The following GCN1 variants were observed in gnomAD, a reference collection of about 807,000 sequenced individuals.
GCN1 encodes the protein stalled ribosome sensor GCN1.
GCN1 carries 90 observed loss-of-function variants against 288.4 expected under a neutral mutation model. The ratio of observed to expected loss-of-function variants is 0.31; its 90% confidence interval spans 0.26 to 0.37. The LOEUF (loss-of-function observed/expected upper bound fraction) is 0.37. Among genes scored for constraint, GCN1 ranks in the 10% least tolerant of loss-of-function variants. GCN1 has a pLI of 1.00. For synonymous variants in GCN1, 1,386 were observed against 1,420.2 expected (o/e 0.98, Z 0.54); for missense variants, 2,586 against 3,419.9 (o/e 0.76, Z 6.08).
intron 13 of GCN1, 74 bp downstream of exon 13, chr12:120,173,997 G>T: frequency 9.2e-7 from 1 of 1,081,284 alleles, no homozygotes; most frequent in Non-Finnish European, 1.4e-6. Context: ...TTTATGGAAG[G>T]AAAGCTCCAA....
chr12:120,168,243 G>C lies in GCN1; in HGVS notation c.1577C>G (p.Thr526Ser). Reference sequence around the variant, plus strand: ...AGCCATGACCAGGAATTTCTCAGAAGTGAAAACCTGCTTTTTCTCATCCAC... The same window carrying C: ...AGCCATGACCAGGAATTTCTCAGAACTGAAAACCTGCTTTTTCTCATCCAC... ...LIVDEKKQVF[T>S]SEKFLVMASE... Residue 526 changes from threonine (T) to serine (S), a missense_variant, in exon 16 of 58, where the codon ACT becomes AGT. Physicochemically the swap from Thr to Ser is moderately conservative, Grantham distance 58. Transcript: ENST00000300648. The C allele has an allele frequency of 6.2e-7, 1 of 1,607,392 alleles. No individual in the cohort carries two copies. The highest frequency in any genetic ancestry group is 8.5e-7 in the Non-Finnish European group (1 of 1,173,842).
rs191106824 is a variant in GCN1 at position 120,156,167 on chromosome 12, T to A, written c.3312+294A>T. Among the ~76,000 whole-genome samples, 1 of 152,322 alleles carries A rather than the reference T, an allele frequency of 6.6e-6. No homozygotes were observed. The highest frequency in any genetic ancestry group is 2.4e-5 in the African/African-American group (1 of 41,568). On this transcript the variant is annotated intron_variant, in intron 28 of 57. Transcript: ENST00000300648. This position sits in a 1 kb window ranked among gnomAD's most constrained non-coding sequence, Gnocchi z 5.8. ...TGAAGAAAAACCAAGTACATGGCAG[T>A]GGGCTAAAGAATTGAACTCCTCCTG...
chr12:120,131,706 T>C (rs1876830990), intron 54 of GCN1, among the ~76,000 whole-genome samples: 1 of 152,188 alleles, frequency 6.6e-6, no homozygotes, highest in Admixed American at 6.5e-5. Flanking sequence ...CTTCAACTCT[T>C]GGGCTCAACT....
intron 2 of GCN1, among the ~76,000 whole-genome samples, chr12:120,185,842 A>C (rs1049321703): frequency 6.6e-6 from 1 of 151,972 alleles, no homozygotes; most frequent in Middle Eastern, 3.2e-3. Flanking sequence ...CTTGTGATCC[A>C]CCTGCCTCAG....
chr12:120,164,622 A>G (rs200612932), intron 17 of GCN1, 24 bp downstream of exon 17: 368 of 1,610,006 alleles, frequency 2.3e-4, no homozygotes, highest in Middle Eastern at 1.3e-3. Flanking sequence ...GGCCCAAAAG[A>G]AAAGGTAAGC....
chr12:120,155,959 G>A lies in GCN1; in HGVS notation c.3313-240C>T, dbSNP rs1217921965. Among the ~76,000 whole-genome samples the A allele has an allele frequency of 6.6e-6, 1 of 152,120 alleles. No individual in the cohort carries two copies. Among genetic ancestry groups the A allele is most frequent in the African/African-American group, 2.4e-5 (1 of 41,410 alleles). On this transcript the variant is annotated intron_variant, in intron 28 of 57. Coordinates refer to ENST00000300648, the MANE Select transcript of GCN1 (RefSeq NM_006836.2). This position sits in a 1 kb window ranked among gnomAD's most constrained non-coding sequence, Gnocchi z 4.9. ...CAGACAGATAAAAACCTCAGAAAAAGCGTATTCCTTTTGTTCAAAAAAATT... is the reference window on the plus strand; with the variant it reads ...CAGACAGATAAAAACCTCAGAAAAAACGTATTCCTTTTGTTCAAAAAAATT...
At chr12:120,151,038 C>T (rs3932409) in intron 34 of GCN1, 107 bp downstream of exon 34, 312,613 of 1,257,806 alleles carry the variant, frequency 0.25, 40,871 homozygotes, top group East Asian at 0.43. Flanking sequence ...CTGTAGTACA[C>T]GCACAAGCAA....
intron 53 of GCN1, among the ~76,000 whole-genome samples, chr12:120,133,546 C>T (rs572084492): frequency 2.0e-5 from 3 of 152,236 alleles, no homozygotes; most frequent in East Asian, 3.9e-4. Flanking sequence ...CCCTGGAGAC[C>T]ATTTATCCCA....
intron 5 of GCN1, among the ~76,000 whole-genome samples, chr12:120,181,668 C>T (rs139632886): frequency 0.025 from 3,730 of 151,250 alleles, 158 homozygotes; most frequent in African/African-American, 0.084. Context: ...AGAGAAACCC[C>T]GTCTCTAGTA....
At chr12:120,157,753 C>T (rs1424131573) in intron 26 of GCN1, 96 bp downstream of exon 26, 2 of 1,005,510 alleles carry the variant, frequency 2.0e-6, no homozygotes, top group Admixed American at 4.9e-5. Context: ...CTCTCTATTT[C>T]CCCACCAGGA....
chr12:120,141,494 G>A (rs1877195276), intron 44 of GCN1, among the ~76,000 whole-genome samples: 1 of 152,168 alleles, frequency 6.6e-6, no homozygotes, highest in African/African-American at 2.4e-5. Context: ...AAAGGAGATG[G>A]GCAGAAATGA....
At chr12:120,170,717 G>A (rs954091972) in intron 14 of GCN1, among the ~76,000 whole-genome samples, 1 of 152,084 alleles carries the variant, frequency 6.6e-6, no homozygotes, top group African/African-American at 2.4e-5. Context: ...TAGGTGTGTT[G>A]CTCAAGGTCA....
rs781626422 is a variant in GCN1, at chr12:120,147,288, G to A, written c.4727-16C>T. ...GGAGCAATGGCTGCACATCCAAAGA[G>A]AAGAGAGCTGGATGATATACATCTA... On this transcript the variant is annotated splice_polypyrimidine_tract_variant and intron_variant, in intron 37 of 57. Transcript: ENST00000300648. The A allele has an allele frequency of 6.7e-7, 1 of 1,483,962 alleles. No individual in the cohort carries two copies. Among genetic ancestry groups the A allele is most frequent in the Non-Finnish European group, 9.3e-7 (1 of 1,073,974 alleles). The allele number at this position is 1,483,962 out of a possible 1,614,324, so 91.9% of individuals were successfully genotyped here. A position where few individuals can be genotyped will look rare whatever the true frequency, so the allele number is the denominator to read the frequency against.
intron 1 of GCN1, among the ~76,000 whole-genome samples, chr12:120,192,905 G>A (rs1006770631): frequency 6.6e-6 from 1 of 151,356 alleles, no homozygotes; most frequent in Non-Finnish European, 1.5e-5. Flanking sequence ...GCATGGTGGC[G>A]CATGCCTGTA....
intron 8 of GCN1, 41 bp downstream of exon 8, chr12:120,177,643 G>C: frequency 1.3e-6 from 2 of 1,566,502 alleles, no homozygotes; most frequent in Non-Finnish European, 1.8e-6. Flanking sequence ...ATTGAAAATG[G>C]GATCAGTTGT....
Position 120,194,671 on chromosome 12 carries a change from C to A in GCN1, c.18+9G>T. 1.3e-6 allele frequency: 2 copies of A among 1,514,706 alleles called. No individual in the cohort carries two copies. Among genetic ancestry groups the A allele is most frequent in the South Asian group, 2.4e-5 (2 of 82,112 alleles). 93.8% of individuals were successfully genotyped at this position (1,514,706 alleles called of 1,614,324 possible). On this transcript the variant is annotated intron_variant, in intron 1 of 57. Coordinates refer to ENST00000300648, the MANE Select transcript of GCN1 (RefSeq NM_006836.2). ...CTGGCCGCGTTGGCCCCGCAGCCGC[C>A]CGCCTCACCTGCGTGTCCGCCGCCA... is the stretch of plus-strand genomic sequence containing the variant.
chr12:120,157,706 C>T, intron 26 of GCN1, 143 bp downstream of exon 26: 1 of 686,282 alleles, frequency 1.5e-6, no homozygotes, highest in Non-Finnish European at 2.4e-6. Flanking sequence ...AAAAAACCCA[C>T]AACACTGTGT....
intron 39 of GCN1, 21 bp from the exon 40 acceptor site, chr12:120,145,082 G>A (rs764861372): frequency 5.0e-6 from 8 of 1,613,846 alleles, no homozygotes; most frequent in Non-Finnish European, 6.8e-6. Context: ...ACCGAGAGCA[G>A]AGATGGTGTG....
chr12:120,150,166 G>T, intron 34 of GCN1, 123 bp from the exon 35 acceptor site: 1 of 899,256 alleles, frequency 1.1e-6, no homozygotes, highest in Non-Finnish European at 1.7e-6. Context: ...AGAAACAGCT[G>T]TGGAACTAGT....
Sources: gnomAD v4.1 joint callset for allele counts (sites outside exome capture counted in the v4.1 genomes callset) on GRCh38, gnomAD v4.1.1 for gene constraint, Gnocchi (gnomAD v3.1) non-coding constraint, MANE v1.5 for transcripts, NCBI Gene and HGNC (gene_info 2026-07-23, HGNC 2026-07-21) for gene names.